ACSL3: variants seen among roughly 807,000 people sequenced by gnomAD.
ACSL3 encodes fatty acid CoA ligase Acsl3.
A neutral mutation model predicts 84.7 loss-of-function variants in ACSL3; 34 were observed. The observed-to-expected ratio is 0.40, with a 90% CI of 0.31 to 0.53. The LOEUF (loss-of-function observed/expected upper bound fraction) is 0.53. Among genes scored for constraint, ACSL3 ranks in the 20% least tolerant of loss-of-function variants. ACSL3 has a pLI of 0.48. For synonymous variants in ACSL3, 315 were observed against 299.4 expected, an observed-to-expected ratio of 1.05 and a Z score of -0.54; for missense variants, 680 against 873.1, an observed-to-expected ratio of 0.78 and a Z score of 2.79.
intron 6 of ACSL3, among the ~76,000 whole-genome samples, 185 bp downstream of exon 6, chr2:222,918,340 AG>A (rs1241692254): frequency 2.6e-5 from 4 of 152,118 alleles, no homozygotes; most frequent in African/African-American, 9.7e-5. Flanking sequence ...TTCATGTATA[AG>A]TAATCCAGAG....
At chr2:222,867,971 C>T (rs1292335163) in intron 1 of ACSL3, among the ~76,000 whole-genome samples, 2 of 144,718 alleles carry the variant, frequency 1.4e-5, no homozygotes, top group East Asian at 3.9e-4. Context: ...CTTTAGTTAA[C>T]TTTCTTTGCT....
At chr2:222,917,885 TTAGTA>T in intron 5 of ACSL3, 156 bp from the exon 6 acceptor site, 1 of 436,240 alleles carries the variant, frequency 2.3e-6, no homozygotes. Context: ...GTAATGTTGA[TTAGTA>T]TGATAAGATA....
Position 222,927,205 on chromosome 2 carries a change from G to C in ACSL3, c.1465+16G>C, listed in dbSNP as rs773345483. ...ATTTCCGAAGGTAGTGTTCTCCATG[G>C]TCAGAGGCTGGAGTGTGATGCCAGA... is the stretch of plus-strand genomic sequence containing the variant. On this transcript the variant is annotated intron_variant, in intron 12 of 16. Transcript: ENST00000357430. The C allele has an allele frequency of 6.2e-7, 1 of 1,607,672 alleles. No homozygotes were observed. Among genetic ancestry groups the C allele is most frequent in the South Asian group, 1.1e-5 (1 of 90,886 alleles).
chr2:222,904,000 C>T (rs994107397), intron 3 of ACSL3, among the ~76,000 whole-genome samples: 11 of 152,042 alleles, frequency 7.2e-5, no homozygotes, highest in African/African-American at 1.9e-4. Context: ...GTCGGCTGGG[C>T]GCGGTGGCTC....
chr2:222,869,146 A>G (rs1024676488), intron 1 of ACSL3, among the ~76,000 whole-genome samples: 3 of 152,148 alleles, frequency 2.0e-5, no homozygotes, highest in Non-Finnish European at 2.9e-5. Context: ...GGTGTTTCTA[A>G]GTATATTATC....
intron 14 of ACSL3, 73 bp from the exon 15 acceptor site, chr2:222,933,093 T>C: frequency 1.2e-6 from 1 of 867,934 alleles, no homozygotes. Context: ...ATGGCCAGTA[T>C]TTATATATGT....
chr2:222,888,725 T>C (rs1206727437), intron 2 of ACSL3, among the ~76,000 whole-genome samples: 2 of 152,218 alleles, frequency 1.3e-5, no homozygotes, highest in Non-Finnish European at 2.9e-5. Context: ...CCCTGGTTCT[T>C]TTGCTAGGGA....
intron 10 of ACSL3, among the ~76,000 whole-genome samples, chr2:222,924,166 CTT>C (rs1215006952): frequency 6.6e-6 from 1 of 152,128 alleles, no homozygotes; most frequent in African/African-American, 2.4e-5. Context: ...TAAAGAATAT[CTT>C]ACAATTTATA....
At chr2:222,875,041 T>A (rs1269045621) in intron 1 of ACSL3, among the ~76,000 whole-genome samples, 1 of 152,196 alleles carries the variant, frequency 6.6e-6, no homozygotes, top group Non-Finnish European at 1.5e-5. Flanking sequence ...TTAGGAATAA[T>A]TGTAAAAATT....
chr2:222,908,657 C>T (rs1574545693), intron 3 of ACSL3, 76 bp from the exon 4 acceptor site: 1 of 1,037,494 alleles, frequency 9.6e-7, no homozygotes, highest in East Asian at 2.6e-5. Context: ...AAAAAATCTT[C>T]ATTTGCCGAT....
chr2:222,864,321 G>C (rs901522626), intron 1 of ACSL3, among the ~76,000 whole-genome samples: 7 of 152,062 alleles, frequency 4.6e-5, no homozygotes, highest in East Asian at 3.9e-4. Context: ...TTACCGTTTT[G>C]AAGACCTCCA....
At chr2:222,867,565 G>A (rs10469668) in intron 1 of ACSL3, among the ~76,000 whole-genome samples, 3 of 151,972 alleles carry the variant, frequency 2.0e-5, no homozygotes, top group African/African-American at 4.8e-5. Flanking sequence ...AAATCACTTA[G>A]CAGTGTGGTT....
intron 14 of ACSL3, among the ~76,000 whole-genome samples, chr2:222,931,383 C>T (rs1207241190): frequency 6.7e-6 from 1 of 149,362 alleles, no homozygotes; most frequent in African/African-American, 2.5e-5. Flanking sequence ...CACTGCACTC[C>T]AACCTGGGCA....
Position 222,922,777 on chromosome 2 carries a change from T to C in ACSL3, c.1026T>C (p.Cys342=), listed in dbSNP as rs752473823. The C allele has an allele frequency of 8.1e-6, 13 of 1,614,208 alleles. No individual in the cohort carries two copies. In the Admixed American group the frequency reaches 2.2e-4, roughly 27 times the overall value. The change falls in exon 9 of 17, where the codon TGT becomes TGC. Residue 342 remains cysteine, a synonymous_variant. Transcript: ENST00000357430. ...TAGAATTAAGTGCTGAGCTTGTCTG[T>C]CTTTCTCACGGATGCCGCATTGGTT... ...HVLELSAELV[C]LSHGCRIGYS... is the part of the protein sequence containing the mutation.
intron 1 of ACSL3, among the ~76,000 whole-genome samples, chr2:222,885,594 C>G (rs1005773076): frequency 2.0e-5 from 3 of 152,132 alleles, no homozygotes; most frequent in Admixed American, 1.3e-4. Context: ...TTCTCTTTTA[C>G]ATGTGAGGAA....
intron 3 of ACSL3, among the ~76,000 whole-genome samples, chr2:222,904,164 G>A (rs1200361794): frequency 6.6e-6 from 1 of 152,068 alleles, no homozygotes; most frequent in African/African-American, 2.4e-5. Flanking sequence ...CCAGCTACTC[G>A]GGAGTCTGAG....
At chr2:222,911,056 T>TTTC (rs1696428030) in intron 4 of ACSL3, among the ~76,000 whole-genome samples, 1 of 147,600 alleles carries the variant, frequency 6.8e-6, no homozygotes. Flanking sequence ...TTTTTTTTTT[T>TTTC]TTTTTTTTTT....
Position 222,919,052 on chromosome 2 carries a change from G to T in ACSL3, c.667-12G>T, listed in dbSNP as rs1201758706. On this transcript the variant is annotated splice_polypyrimidine_tract_variant and intron_variant, in intron 6 of 16. Coordinates refer to ENST00000357430, the MANE Select transcript of ACSL3 (RefSeq NM_004457.5). The stretch of plus-strand genomic sequence containing the variant: ...AAAATAATGAACGTGATGAATGTTG[G>T]TGTATTTCTAGGATATAGTTTCTTT... 7 of 1,611,910 alleles carry T rather than the reference G, an allele frequency of 4.3e-6. No homozygotes were observed. In the African/African-American group the frequency reaches 6.7e-5, roughly 15 times the overall value.
chr2:222,917,459 T>C (rs1417420468), intron 5 of ACSL3: 2 of 152,264 alleles, frequency 1.3e-5, no homozygotes, highest in African/African-American at 4.8e-5. Flanking sequence ...TTGTTTCTTT[T>C]GAGGAGCTTT....
Sources: allele counts gnomAD v4.1 joint callset (sites outside exome capture counted in the v4.1 genomes callset), GRCh38; gene constraint gnomAD v4.1.1; transcripts MANE v1.5; gene names NCBI Gene and HGNC (gene_info 2026-07-23, HGNC 2026-07-21).